The following MTF2 variants were observed in gnomAD, a reference collection of about 807,000 sequenced individuals.
MTF2 encodes metal response element binding transcription factor 2, also known as metal-response element-binding transcription factor 2.
A neutral mutation model predicts 79.5 loss-of-function variants in MTF2; 11 were observed. That is an observed-to-expected ratio of 0.14 (90% CI 0.09 to 0.23). MTF2 has a LOEUF of 0.23. MTF2 is among the 10% of genes least tolerant of loss of function. The pLI is 1.00. For synonymous variants in MTF2, 208 were observed against 232.8 expected, an observed-to-expected ratio of 0.89 and a Z score of 0.97; for missense variants, 486 against 711.2, an observed-to-expected ratio of 0.68 and a Z score of 3.60.
intron 6 of MTF2, among the ~76,000 whole-genome samples, chr1:93,116,713 G>A (rs1376435633): frequency 1.3e-5 from 2 of 151,930 alleles, no homozygotes; most frequent in African/African-American, 2.4e-5. Flanking sequence ...ATTTGTCCAC[G>A]TTGGTCTCCA....
chr1:93,113,962 A>G (rs376174428), intron 3 of MTF2, among the ~76,000 whole-genome samples: 1 of 151,982 alleles, frequency 6.6e-6, no homozygotes, highest in African/African-American at 2.4e-5. Context: ...ACTGGAAATG[A>G]TAATGTGTTA....
chr1:93,086,993 CGTT>C (rs1481812591), intron 1 of MTF2, among the ~76,000 whole-genome samples: 1 of 152,144 alleles, frequency 6.6e-6, no homozygotes, highest in African/African-American at 2.4e-5. Flanking sequence ...TTCATACACA[CGTT>C]GTATGCTTAG....
chr1:93,110,317 G>A lies in MTF2; in HGVS notation c.93G>A (p.Leu31=), dbSNP rs749454906. 27 of 1,614,132 alleles carry A rather than the reference G, an allele frequency of 1.7e-5. No homozygotes were observed. Among genetic ancestry groups the A allele is most frequent in the Non-Finnish European group, 2.2e-5 (26 of 1,180,020 alleles). Residue 31 remains leucine (L), a synonymous_variant, in exon 2 of 15, where the codon CTG becomes CTA. Transcript: ENST00000370298. The part of the protein sequence containing the change: ...NQKTPTSLTK[L]SLQDGHKAKK... ...AGACCCCAACATCCTTGACCAAGCT[G>A]TCTTTACAGGATGGACATAAAGCCA...
intron 1 of MTF2, among the ~76,000 whole-genome samples, chr1:93,080,185 T>G (rs1426742962): frequency 1.3e-5 from 2 of 152,132 alleles, no homozygotes; most frequent in Non-Finnish European, 2.9e-5. Flanking sequence ...AATATGAGGC[T>G]TTTCTTGTGT....
chr1:93,121,481 C>G, intron 9 of MTF2: 1 of 982,612 alleles, frequency 1.0e-6, no homozygotes, highest in Non-Finnish European at 1.2e-6. Flanking sequence ...ATTTTGCACA[C>G]TGATTTGAAG....
At chr1:93,117,196 T>G (rs989456768) in intron 6 of MTF2, among the ~76,000 whole-genome samples, 7 of 152,144 alleles carry the variant, frequency 4.6e-5, no homozygotes, top group Non-Finnish European at 8.8e-5. Flanking sequence ...CGTATCAAAG[T>G]TTGGAAATGG....
intron 1 of MTF2, among the ~76,000 whole-genome samples, chr1:93,108,281 TGTG>T (rs997132498): frequency 1.3e-5 from 2 of 152,186 alleles, no homozygotes; most frequent in African/African-American, 4.8e-5. Context: ...TGTGTGTGTG[TGTG>T]TATGTGTATG....
intron 8 of MTF2, 80 bp from the exon 9 acceptor site, chr1:93,120,469 A>T: frequency 1.5e-6 from 2 of 1,308,298 alleles, no homozygotes; most frequent in Non-Finnish European, 2.1e-6. Flanking sequence ...CATTTTAATT[A>T]CTGTTTTATA....
intron 2 of MTF2, 41 bp from the exon 3 acceptor site, chr1:93,110,504 A>G: frequency 6.2e-7 from 1 of 1,602,648 alleles, no homozygotes; most frequent in Non-Finnish European, 8.5e-7. Context: ...TCATGTTTTT[A>G]ATTTTAAGAG....
In MTF2 at chr1:93,082,361, G is replaced by A. The variant is rs6688132; in HGVS notation, c.5+2830G>A. ...AGTGGTGCTATCATAACTTGCTGCT[G>A]CCTCAGACTCTTGGGCGGAAGTGAT... On this transcript the variant is annotated intron_variant, in intron 1 of 14. Coordinates refer to ENST00000370298, the MANE Select transcript of MTF2 (RefSeq NM_007358.4). 9.3e-3 allele frequency among the ~76,000 whole-genome samples: 1,396 copies of A among 150,470 alleles called. 16 individuals carry two copies. The highest frequency in any genetic ancestry group is 0.032 in the African/African-American group (1,313 of 40,836).
At chr1:93,100,985 T>A (rs1015048843) in intron 1 of MTF2, among the ~76,000 whole-genome samples, 1 of 152,142 alleles carries the variant, frequency 6.6e-6, no homozygotes, top group Non-Finnish European at 1.5e-5. Flanking sequence ...TATTTACTAC[T>A]TTTCCCAGGG....
In MTF2 at chr1:93,104,641, T is replaced by C. The variant is rs1470202470; in HGVS notation, c.6-5589T>C. Among the ~76,000 whole-genome samples, 4 of 142,738 alleles carry C rather than the reference T, an allele frequency of 2.8e-5. No homozygotes were observed. The East Asian group carries it at 6.2e-4, about 22-fold the overall frequency. The allele number at this position is 142,738 out of a possible 152,430, so 93.6% of individuals were successfully genotyped here. A position where few individuals can be genotyped will look rare whatever the true frequency, so the allele number is the denominator to read the frequency against. On this transcript the variant is annotated intron_variant, in intron 1 of 14. Coordinates refer to ENST00000370298, the MANE Select transcript of MTF2 (RefSeq NM_007358.4). ...TTGCAGTGAGCTGGGATCGTGCCAC[T>C]GTACTCCAGCCTGGTGACAGAGCAA... is the stretch of plus-strand genomic sequence containing the variant.
chr1:93,090,939 A>C (rs1655051021), intron 1 of MTF2, among the ~76,000 whole-genome samples: 1 of 152,214 alleles, frequency 6.6e-6, no homozygotes, highest in Non-Finnish European at 1.5e-5. Context: ...CTGGGATTAC[A>C]GGCGTGAGCC....
chr1:93,092,957 C>A (rs914410971), intron 1 of MTF2, among the ~76,000 whole-genome samples: 3 of 151,964 alleles, frequency 2.0e-5, no homozygotes, highest in African/African-American at 7.3e-5. Flanking sequence ...CCAAGGCGGG[C>A]AAATCACGAG....
At chr1:93,107,625 T>C (rs1655849912) in intron 1 of MTF2, among the ~76,000 whole-genome samples, 1 of 152,256 alleles carries the variant, frequency 6.6e-6, no homozygotes. Flanking sequence ...AACACCATTT[T>C]TACTTGAAAC....
At position 93,133,820 on chromosome 1, in the gene MTF2, T is replaced by C. The variant is rs756485325; in HGVS notation, c.1266+12T>C. ...CTGAGCCACTTTTGGTAAGAGGATA[T>C]GTTGGTATATGTTCTCAAGAAGAAG... On this transcript the variant is annotated intron_variant, in intron 12 of 14. Coordinates refer to ENST00000370298, the MANE Select transcript of MTF2 (RefSeq NM_007358.4). The C allele has an allele frequency of 6.3e-7, 1 of 1,575,822 alleles. No individual in the cohort carries two copies.
intron 1 of MTF2, among the ~76,000 whole-genome samples, chr1:93,085,580 G>A (rs532663024): frequency 2.0e-5 from 3 of 150,900 alleles, no homozygotes; most frequent in East Asian, 3.9e-4. Flanking sequence ...TCAAACTCCC[G>A]GGCTCAAGTG....
At chr1:93,097,541 C>T (rs993354872) in intron 1 of MTF2, among the ~76,000 whole-genome samples, 1 of 152,102 alleles carries the variant, frequency 6.6e-6, no homozygotes, top group African/African-American at 2.4e-5. Flanking sequence ...TTACTTAAAA[C>T]CCTAGTATCC....
chr1:93,110,762 T>C (rs1655998087), intron 3 of MTF2, 136 bp downstream of exon 3: 1 of 706,650 alleles, frequency 1.4e-6, no homozygotes, highest in Admixed American at 2.8e-5. Flanking sequence ...GGTTAAAAAA[T>C]CAGCATAGTC....
Sources: allele counts gnomAD v4.1 joint callset (sites outside exome capture counted in the v4.1 genomes callset), GRCh38; gene constraint gnomAD v4.1.1; transcripts MANE v1.5; gene names NCBI Gene and HGNC (gene_info 2026-07-23, HGNC 2026-07-21).